PREX1: variants seen among roughly 807,000 people sequenced by gnomAD.
The protein encoded by PREX1 is phosphatidylinositol-3,4,5-trisphosphate dependent Rac exchange factor 1.
PREX1 carries 41 observed loss-of-function variants against 198.3 expected under a neutral mutation model. The observed-to-expected ratio is 0.21, with a 90% CI of 0.16 to 0.27. The LOEUF is 0.27. PREX1 is among the 10% of genes least tolerant of loss of function. The pLI is 1.00. For missense variants in PREX1, 1,620 were observed against 2,200.7 expected, an observed-to-expected ratio of 0.74 and a Z score of 5.28; for synonymous variants, 843 against 887.2, an observed-to-expected ratio of 0.95 and a Z score of 0.89.
chr20:48,763,625 C>T (rs866156597), intron 1 of PREX1, among the ~76,000 whole-genome samples: 3 of 152,170 alleles, frequency 2.0e-5, no homozygotes, highest in South Asian at 2.1e-4. Flanking sequence ...GGCGAGCAGT[C>T]CCCCCTTAGC....
At chr20:48,659,859 G>A in intron 16 of PREX1, 60 bp downstream of exon 16, 1 of 1,608,568 alleles carries the variant, frequency 6.2e-7, no homozygotes, top group South Asian at 1.1e-5. Context: ...AGGTCGCCCA[G>A]CTCCCATGCC....
intron 14 of PREX1, among the ~76,000 whole-genome samples, chr20:48,671,107 G>A (rs779592264): frequency 2.3e-4 from 35 of 152,252 alleles, no homozygotes; most frequent in South Asian, 4.2e-4. Context: ...AATGAATCCC[G>A]AGGAATTCTA....
chr20:48,874,812 G>A, the PREX1 span, among the ~76,000 whole-genome samples: 1 of 150,918 alleles, frequency 6.6e-6, no homozygotes, highest in South Asian at 2.1e-4. Context: ...AGGAGGTGGA[G>A]GTTGTAGTGA....
intron 1 of PREX1, among the ~76,000 whole-genome samples, chr20:48,769,315 C>G (rs573184875): frequency 6.6e-6 from 1 of 152,104 alleles, no homozygotes; most frequent in Admixed American, 6.5e-5. Flanking sequence ...TTGAATGAGA[C>G]GTGCCTTGAA....
In PREX1 at chr20:48,827,419, A is replaced by C. The variant is rs1008127219; in HGVS notation, c.219+223T>G. On this transcript the variant is annotated intron_variant, in intron 1 of 39. Transcript: ENST00000371941. The surrounding 1 kb of genome is among the most constrained non-coding windows in gnomAD (Gnocchi z 4.1). The stretch of plus-strand genomic sequence containing the variant: ...GGCAGCGCGCGCCGCGGGGAAGTGG[A>C]GTGCGGGAGAGCCCCGGTCGGAGCA... 6.6e-6 allele frequency among the ~76,000 whole-genome samples: 1 copy of C among 152,020 alleles called. No homozygotes were observed. Among genetic ancestry groups the C allele is most frequent in the Non-Finnish European group, 1.5e-5 (1 of 67,958 alleles).
At chr20:48,860,361 CA>C in the PREX1 span, among the ~76,000 whole-genome samples, 1 of 152,110 alleles carries the variant, frequency 6.6e-6, no homozygotes, top group East Asian at 1.9e-4. Context: ...TGGCAGTTGC[CA>C]GGGGCAGAAG....
At chr20:48,814,271 A>G (rs576266177) in intron 1 of PREX1, among the ~76,000 whole-genome samples, 1 of 152,370 alleles carries the variant, frequency 6.6e-6, no homozygotes, top group East Asian at 1.9e-4. Context: ...CCATGAACAC[A>G]GCAGACAAGG....
chr20:48,630,203 A>G (rs17362659), intron 36 of PREX1, among the ~76,000 whole-genome samples: 19,544 of 152,116 alleles, frequency 0.13, 1,368 homozygotes, highest in African/African-American at 0.18. Flanking sequence ...AGGCCAAAAG[A>G]CATGTGTTGA....
chr20:48,776,161 C>T (rs1210520849), intron 1 of PREX1, among the ~76,000 whole-genome samples: 2 of 152,038 alleles, frequency 1.3e-5, no homozygotes, highest in South Asian at 2.1e-4. Context: ...GGCTTATTTT[C>T]CCCCTCTGTA....
Position 48,644,481 on chromosome 20 carries a change from G to A in PREX1, c.3529C>T (p.Arg1177Ter), listed in dbSNP as rs2122872339. 2 of 1,613,540 alleles carry A rather than the reference G, an allele frequency of 1.2e-6. No homozygotes were observed. The highest frequency in any genetic ancestry group is 2.2e-5 in the East Asian group (1 of 44,844). The change falls in exon 27 of 40, where the codon CGA (arginine) becomes TGA (stop). Residue 1177 changes from arginine to a stop codon, truncating the protein, a stop_gained. Transcript: ENST00000371941. LOFTEE classifies it high-confidence loss of function. ...RDSYSECNSN[R>*]DSVLSYTSVR... ...CTGGTGTAGGACAGGACCGAGTCTCGATTGCTGTTACACTCGCTGCAAAGG... is the reference window on the plus strand; with the variant it reads ...CTGGTGTAGGACAGGACCGAGTCTCAATTGCTGTTACACTCGCTGCAAAGG...
Position 48,776,235 on chromosome 20 carries a change from G to A in PREX1, c.220-28355C>T, listed in dbSNP as rs73120608. Among the ~76,000 whole-genome samples the A allele has an allele frequency of 4.5e-3, 682 of 152,252 alleles. 1 individual carries two copies. Among genetic ancestry groups the A allele is most frequent in the Non-Finnish European group, 7.1e-3 (480 of 67,992 alleles). On this transcript the variant is annotated intron_variant, in intron 1 of 39. Coordinates refer to ENST00000371941, the MANE Select transcript of PREX1 (RefSeq NM_020820.4). ...CATCTAATGAGGAATGAGGCTAAAA[G>A]AGTGAAGCTAGAGTCCGGGTCATCC...
At chr20:48,680,506 C>A (rs898453170) in intron 11 of PREX1, among the ~76,000 whole-genome samples, 1 of 152,186 alleles carries the variant, frequency 6.6e-6, no homozygotes, top group Non-Finnish European at 1.5e-5. Flanking sequence ...CTCCTGGACT[C>A]TCCCATCAGC....
At chr20:48,839,052 A>G in the PREX1 span, among the ~76,000 whole-genome samples, 1 of 150,688 alleles carries the variant, frequency 6.6e-6, no homozygotes, top group Non-Finnish European at 1.5e-5. Flanking sequence ...TAACAAGAGT[A>G]GTTACATCTG....
At chr20:48,792,476 A>C (rs1265147519) in intron 1 of PREX1, among the ~76,000 whole-genome samples, 1 of 152,118 alleles carries the variant, frequency 6.6e-6, no homozygotes, top group African/African-American at 2.4e-5. Context: ...ATCTCAAAAA[A>C]AAAGGAGCTA....
intron 1 of PREX1, among the ~76,000 whole-genome samples, chr20:48,774,606 T>C (rs2090252381): frequency 6.6e-6 from 1 of 152,184 alleles, no homozygotes; most frequent in Admixed American, 6.5e-5. Flanking sequence ...GTTTTCAGGG[T>C]GTGTCAGGCT....
At chr20:48,626,951 G>C (rs2122794974) in intron 39 of PREX1, among the ~76,000 whole-genome samples, 1 of 152,292 alleles carries the variant, frequency 6.6e-6, no homozygotes, top group East Asian at 1.9e-4. Flanking sequence ...CCAAGAGGAA[G>C]ACTGAAAACC....
intron 1 of PREX1, among the ~76,000 whole-genome samples, chr20:48,778,536 G>C (rs2090274049): frequency 6.6e-6 from 1 of 152,054 alleles, no homozygotes; most frequent in African/African-American, 2.4e-5. Context: ...GTTGCAGTGA[G>C]CCAAGATGGT....
intron 7 of PREX1, among the ~76,000 whole-genome samples, chr20:48,698,227 T>C (rs1032105005): frequency 6.6e-6 from 1 of 152,108 alleles, no homozygotes; most frequent in Non-Finnish European, 1.5e-5. Flanking sequence ...GGGAGCCCAC[T>C]TGGAATCCAG....
chr20:48,729,085 CT>C (rs58801786), intron 4 of PREX1, among the ~76,000 whole-genome samples: 16,645 of 151,214 alleles, frequency 0.11, 904 homozygotes, highest in South Asian at 0.12. Flanking sequence ...GCTTTTTTTT[CT>C]TTTTTTTCCT....
Sources: allele counts gnomAD v4.1 joint callset (sites outside exome capture counted in the v4.1 genomes callset), GRCh38; gene constraint gnomAD v4.1.1; non-coding constraint Gnocchi (gnomAD v3.1); transcripts MANE v1.5; gene names NCBI Gene and HGNC (gene_info 2026-07-23, HGNC 2026-07-21).